Variants in UTRN observed in about 807,000 individuals in gnomAD.
UTRN encodes dystrophin-related protein 1.
A neutral mutation model predicts 463.9 loss-of-function variants in UTRN; 283 were observed. The ratio of observed to expected loss-of-function variants is 0.61; its 90% confidence interval spans 0.55 to 0.67. The LOEUF (loss-of-function observed/expected upper bound fraction) is 0.67, where lower values mean the gene tolerates loss of function less well. Among genes scored for constraint, UTRN ranks in the 30% least tolerant of loss-of-function variants. The pLI is 0.00. For synonymous variants in UTRN, 1,442 were observed against 1,431.5 expected, an observed-to-expected ratio of 1.01 and a Z score of -0.17; for missense variants, 3,922 against 4,084.3, an observed-to-expected ratio of 0.96 and a Z score of 1.08.
rs574856737 is a variant in UTRN at position 144,705,805 on chromosome 6, T to C, written c.7809+5562T>C. On this transcript the variant is annotated intron_variant, in intron 53 of 74. Transcript: ENST00000367545. The stretch of plus-strand genomic sequence containing the variant: ...GGCAGTATATAATTTTATTTAATTA[T>C]GTATATTCTGTCAAAAGCAACCTTC... 3.3e-5 allele frequency among the ~76,000 whole-genome samples: 5 copies of C among 152,226 alleles called. No homozygotes were observed. The South Asian group carries it at 1.0e-3, about 32-fold the overall frequency.
chr6:144,312,297 G>A (rs1365171282), intron 2 of UTRN, among the ~76,000 whole-genome samples: 2 of 152,024 alleles, frequency 1.3e-5, no homozygotes, highest in East Asian at 1.9e-4. Context: ...GATGGCAGGC[G>A]CCTGTAGTCC....
At chr6:144,415,519 C>A (rs74582269) in intron 3 of UTRN, among the ~76,000 whole-genome samples, 1 of 152,178 alleles carries the variant, frequency 6.6e-6, no homozygotes, top group Non-Finnish European at 1.5e-5. Flanking sequence ...AGATTTTTTT[C>A]TATTACTACT....
chr6:144,649,743 TC>T (rs1778621279), intron 51 of UTRN, among the ~76,000 whole-genome samples: 1 of 152,214 alleles, frequency 6.6e-6, no homozygotes, highest in African/African-American at 2.4e-5. Flanking sequence ...GTATAAGTGT[TC>T]TAAAAACTGT....
At chr6:144,393,152 A>G (rs1311488146) in intron 2 of UTRN, among the ~76,000 whole-genome samples, 1 of 151,958 alleles carries the variant, frequency 6.6e-6, no homozygotes, top group Non-Finnish European at 1.5e-5. Flanking sequence ...ACCAAGTCAG[A>G]CTCCTCTTGT....
chr6:144,832,806 G>T (rs955187270), intron 69 of UTRN, among the ~76,000 whole-genome samples: 18 of 151,898 alleles, frequency 1.2e-4, no homozygotes, highest in South Asian at 4.2e-4. Flanking sequence ...TTTTTTGTTT[G>T]TTTGTTTTGT....
chr6:144,599,086 C>A (rs910567474), intron 51 of UTRN, among the ~76,000 whole-genome samples: 1 of 152,076 alleles, frequency 6.6e-6, no homozygotes, highest in African/African-American at 2.4e-5. Context: ...ATATTTATTG[C>A]GGTCTAGGAG....
At chr6:144,696,449 C>CTGCTGA (rs200471005) in intron 52 of UTRN, among the ~76,000 whole-genome samples, 2 of 152,264 alleles carry the variant, frequency 1.3e-5, no homozygotes, top group East Asian at 3.9e-4. Flanking sequence ...TAGCCACATG[C>CTGCTGA]TGCTGATGTC....
Position 144,539,426 on chromosome 6 carries a change from A to T in UTRN, c.6502A>T (p.Asn2168Tyr). 1 of 1,608,494 alleles carries T rather than the reference A, an allele frequency of 6.2e-7. No individual in the cohort carries two copies. The highest frequency in any genetic ancestry group is 8.5e-7 in the Non-Finnish European group (1 of 1,177,918). The change falls in exon 45 of 75, where the codon AAT becomes TAT. Residue 2168 changes from asparagine (N) to tyrosine (Y), a missense_variant. Asn to Tyr is a moderately radical substitution (Grantham distance 143). Transcript: ENST00000367545. Reference sequence around the variant, plus strand: ...AATTTCAGAAAGCTTAAGGACTGTAAATATGACATGGAATAAGGTGTGTGT... The same window carrying T: ...AATTTCAGAAAGCTTAAGGACTGTATATATGACATGGAATAAGGTGTGTGT... ...DKISESLRTV[N>Y]MTWNKICREV...
intron 60 of UTRN, among the ~76,000 whole-genome samples, chr6:144,779,246 T>C (rs1562898669): frequency 6.6e-6 from 1 of 152,186 alleles, no homozygotes; most frequent in African/African-American, 2.4e-5. Context: ...TTGAATATGT[T>C]CCTTGGTGTC....
chr6:144,457,624 C>T (rs1250516752), intron 19 of UTRN, among the ~76,000 whole-genome samples: 2 of 152,122 alleles, frequency 1.3e-5, no homozygotes, highest in African/African-American at 4.8e-5. Context: ...TATTCTCTTA[C>T]CTGAGAGATG....
intron 2 of UTRN, among the ~76,000 whole-genome samples, chr6:144,358,230 T>C (rs1778743149): frequency 6.6e-6 from 1 of 152,224 alleles, no homozygotes; most frequent in Non-Finnish European, 1.5e-5. Context: ...TTTTGATAAA[T>C]TTAGAATAAC....
intron 23 of UTRN, among the ~76,000 whole-genome samples, chr6:144,469,841 G>A (rs1034803225): frequency 1.1e-4 from 16 of 151,940 alleles, no homozygotes; most frequent in East Asian, 3.9e-4. Flanking sequence ...TAGGCAGAGG[G>A]CCCTGCCGCC....
At chr6:144,844,913 A>G (rs1345176885) in intron 73 of UTRN, among the ~76,000 whole-genome samples, 5 of 152,256 alleles carry the variant, frequency 3.3e-5, no homozygotes, top group African/African-American at 1.2e-4. Context: ...TGGATTAAAA[A>G]TTAGCATGGC....
intron 23 of UTRN, among the ~76,000 whole-genome samples, chr6:144,468,085 G>T (rs1274510241): frequency 1.3e-5 from 2 of 151,944 alleles, no homozygotes; most frequent in Non-Finnish European, 2.9e-5. Context: ...AGATGGGGGA[G>T]GAGCAAAAGA....
At position 144,593,463 on chromosome 6, in the gene UTRN, G is replaced by A. The variant is rs188289202; in HGVS notation, c.7479+16175G>A. Among the ~76,000 whole-genome samples, 38 of 152,242 alleles carry A rather than the reference G, an allele frequency of 2.5e-4. 1 individual carries two copies. Among genetic ancestry groups the A allele is most frequent in the African/African-American group, 8.4e-4 (35 of 41,542 alleles). ...AGGCTGAAGTGAAGCCTTGGCTTGC[G>A]ACCAATCAGAGGCTGAAGGTAAGCT... is the stretch of plus-strand genomic sequence containing the variant. On this transcript the variant is annotated intron_variant, in intron 51 of 74. Coordinates refer to ENST00000367545, the MANE Select transcript of UTRN (RefSeq NM_007124.3).
At chr6:144,398,271 A>G (rs923129039) in intron 2 of UTRN, 5 of 275,018 alleles carry the variant, frequency 1.8e-5, no homozygotes, top group Admixed American at 4.6e-5. Context: ...CTTAACAACC[A>G]TCATTGCCTT....
chr6:144,436,489 G>T (rs1328309918), intron 10 of UTRN, among the ~76,000 whole-genome samples: 2 of 152,004 alleles, frequency 1.3e-5, no homozygotes, highest in African/African-American at 2.4e-5. Context: ...CCTAGGAAAT[G>T]ATTATTCTTT....
rs537626764 is a variant in UTRN at position 144,656,763 on chromosome 6, A to G, written c.7480-21643A>G. The stretch of plus-strand genomic sequence containing the variant: ...TCACAGAATGACTTTGGATATTTAC[A>G]TGAATAATCTATTTGACTTTAACAC... On this transcript the variant is annotated intron_variant, in intron 51 of 74. Coordinates refer to ENST00000367545, the MANE Select transcript of UTRN (RefSeq NM_007124.3). 2.6e-5 allele frequency among the ~76,000 whole-genome samples: 4 copies of G among 152,358 alleles called. No individual in the cohort carries two copies. The South Asian group carries it at 8.3e-4, about 32-fold the overall frequency.
chr6:144,671,318 C>G (rs996311660), intron 51 of UTRN, among the ~76,000 whole-genome samples: 1 of 152,012 alleles, frequency 6.6e-6, no homozygotes, highest in South Asian at 2.1e-4. Flanking sequence ...TTTCTTTCAG[C>G]AGCATTTTAT....
Sources: allele counts gnomAD v4.1 joint callset (sites outside exome capture counted in the v4.1 genomes callset), GRCh38; gene constraint gnomAD v4.1.1; transcripts MANE v1.5; gene names NCBI Gene and HGNC (gene_info 2026-07-23, HGNC 2026-07-21).